ODF2L: variants seen among roughly 807,000 people sequenced by gnomAD.
ODF2L encodes outer dense fiber of sperm tails 2 like.
Under a neutral mutation model 86.3 loss-of-function variants are expected in ODF2L, and 76 were observed. That is an observed-to-expected ratio of 0.88 (90% confidence interval 0.73 to 1.07). The LOEUF (loss-of-function observed/expected upper bound fraction) is 1.07, where lower values mean the gene tolerates loss of function less well. Ranked by LOEUF, ODF2L falls within the 50% of genes least tolerant of loss-of-function variation. ODF2L has a pLI of 0.00. For synonymous variants in ODF2L, 241 were observed against 231.3 expected, an observed-to-expected ratio of 1.04 and a Z score of -0.38; for missense variants, 748 against 717.4, an observed-to-expected ratio of 1.04 and a Z score of -0.49.
intron 9 of ODF2L, 27 bp from the exon 10 acceptor site, chr1:86,371,180 TA>T: frequency 1.6e-6 from 2 of 1,249,812 alleles, no homozygotes; most frequent in East Asian, 2.6e-5. Flanking sequence ...ACACATTTTA[TA>T]AAAGTCATAA....
chr1:86,374,587 T>C (rs1357965183), intron 8 of ODF2L, among the ~76,000 whole-genome samples: 1 of 152,192 alleles, frequency 6.6e-6, no homozygotes, highest in East Asian at 1.9e-4. Context: ...CCCTAGGTAC[T>C]AAAAGTCAGA....
At chr1:86,371,973 G>A (rs1659815290) in intron 9 of ODF2L, among the ~76,000 whole-genome samples, 1 of 151,986 alleles carries the variant, frequency 6.6e-6, no homozygotes, top group South Asian at 2.1e-4. Flanking sequence ...GGATCACAAG[G>A]TCAGGAGATC....
chr1:86,386,505 C>T (rs1660963572), intron 2 of ODF2L: 1 of 156,212 alleles, frequency 6.4e-6, no homozygotes, highest in Non-Finnish European at 1.4e-5. Context: ...TCTACCACAG[C>T]CTTCCAAGTA....
At chr1:86,389,905 C>G (rs958191469) in intron 1 of ODF2L, among the ~76,000 whole-genome samples, 2 of 152,026 alleles carry the variant, frequency 1.3e-5, no homozygotes, top group South Asian at 2.1e-4. Flanking sequence ...AAATTACCAA[C>G]AAAAAAAGAA....
intron 11 of ODF2L, among the ~76,000 whole-genome samples, chr1:86,366,118 G>C (rs1303463261): frequency 2.0e-5 from 3 of 152,044 alleles, no homozygotes; most frequent in Non-Finnish European, 4.4e-5. Context: ...CTAGTGGCAA[G>C]AACCATCCAC....
exon 7 of ODF2L, chr1:86,382,273 G>A: frequency 6.2e-7 from 1 of 1,611,286 alleles, no homozygotes; most frequent in Non-Finnish European, 8.5e-7. Context: ...ATCGTTCTCG[G>A]CTTCCCTTTT....
chr1:86,376,395 C>T, exon 8 of ODF2L: 1 of 1,592,954 alleles, frequency 6.3e-7, no homozygotes, highest in Non-Finnish European at 8.5e-7. Context: ...GCAGGTTCCA[C>T]TTGGCTATCT....
At chr1:86,348,762 T>C (rs772106732), downstream of ODF2L, 2 of 1,503,062 alleles carry the variant, frequency 1.3e-6, no homozygotes, top group Admixed American at 2.5e-5. Flanking sequence ...ATTCAAACAT[T>C]GTTACATAAG....
chr1:86,385,615 T>C (rs1235497912), intron 2 of ODF2L, 25 bp from the exon 3 acceptor site: 9 of 1,593,968 alleles, frequency 5.6e-6, no homozygotes, highest in East Asian at 2.2e-5. Context: ...ACATACAAAA[T>C]TTAAGTTAAA....
exon 6 of ODF2L, chr1:86,382,992 T>C (rs776853215): frequency 6.6e-7 from 1 of 1,509,158 alleles, no homozygotes; most frequent in Non-Finnish European, 9.2e-7. Context: ...AAATACCTTC[T>C]TCTTAAGATT....
intron 16 of ODF2L, among the ~76,000 whole-genome samples, chr1:86,353,415 C>T (rs1489999013): frequency 6.6e-6 from 1 of 152,154 alleles, no homozygotes; most frequent in Admixed American, 6.5e-5. Flanking sequence ...ACACTTCCTA[C>T]AAACACACAC....
Position 86,371,154 on chromosome 1 carries a change from CT to C in ODF2L, c.921-2del. On this transcript the variant is annotated splice_acceptor_variant, in intron 9 of 17. Coordinates refer to ENST00000317336, the Ensembl canonical transcript of ODF2L. LOFTEE classifies it high-confidence loss of function. ...ATCTTCCAAAAGATTAATGATTTGC[CT>C]TTATAAAATCAATGACACATTTTAT... The C allele has an allele frequency of 7.0e-7, 1 of 1,424,470 alleles. No individual in the cohort carries two copies. Among genetic ancestry groups the C allele is most frequent in the Non-Finnish European group, 9.4e-7 (1 of 1,060,872 alleles). The allele number at this position is 1,424,470 out of a possible 1,614,324, so 88.2% of individuals were successfully genotyped here.
At chr1:86,353,225 C>A (rs916388664) in intron 16 of ODF2L, among the ~76,000 whole-genome samples, 3 of 152,100 alleles carry the variant, frequency 2.0e-5, no homozygotes, top group African/African-American at 7.2e-5. Flanking sequence ...TTCACTGCTC[C>A]GTGACTTAGG....
intron 8 of ODF2L, among the ~76,000 whole-genome samples, chr1:86,373,298 CTTTTT>C (rs568005356): frequency 1.4e-5 from 2 of 140,222 alleles, no homozygotes; most frequent in African/African-American, 2.6e-5. Flanking sequence ...TTCCATTTTA[CTTTTT>C]TTTTTTTTTG....
chr1:86,393,505 C>A (rs1005451163), intron 1 of ODF2L, among the ~76,000 whole-genome samples: 3 of 152,004 alleles, frequency 2.0e-5, no homozygotes, highest in Non-Finnish European at 4.4e-5. Flanking sequence ...GATTAGATAA[C>A]AAATTAGTAA....
At chr1:86,382,803 T>C (rs562518445) in intron 6 of ODF2L, 128 bp downstream of exon 6, 2 of 633,702 alleles carry the variant, frequency 3.2e-6, no homozygotes, top group East Asian at 5.7e-5. Context: ...CTGTAAAATA[T>C]CCAAATAATC....
At chr1:86,348,651 A>C, downstream of ODF2L, 1 of 1,086,016 alleles carries the variant, frequency 9.2e-7, no homozygotes, top group South Asian at 2.6e-5. Flanking sequence ...ACCACTCATA[A>C]ATCATAAAAT....
At chr1:86,384,567 G>A in intron 4 of ODF2L, 109 bp downstream of exon 4, 2 of 690,572 alleles carry the variant, frequency 2.9e-6, no homozygotes, top group Admixed American at 7.1e-5. Flanking sequence ...AAAATTCAAA[G>A]CATTATTTCC....
chr1:86,353,146 A>G (rs1005066880), intron 16 of ODF2L, among the ~76,000 whole-genome samples, 162 bp from the exon 16 acceptor site: 3 of 152,196 alleles, frequency 2.0e-5, no homozygotes, highest in Admixed American at 1.3e-4. Flanking sequence ...GCGTAAGTAT[A>G]TACTATACTT....
Sources: gnomAD v4.1 joint callset for allele counts (sites outside exome capture counted in the v4.1 genomes callset) on GRCh38, gnomAD v4.1.1 for gene constraint, MANE v1.5 for transcripts, NCBI Gene and HGNC (gene_info 2026-07-23, HGNC 2026-07-21) for gene names.